ATP9A: variants seen among roughly 807,000 people sequenced by gnomAD.
ATP9A encodes the protein ATPase phospholipid transporting 9A.
A neutral mutation model predicts 144.1 loss-of-function variants in ATP9A; 52 were observed. The ratio of observed to expected loss-of-function variants is 0.36; its 90% CI spans 0.29 to 0.45. The LOEUF (loss-of-function observed/expected upper bound fraction) is 0.45. ATP9A is among the 20% of genes least tolerant of loss of function. The pLI is 1.00. For synonymous variants in ATP9A, 582 were observed against 557.4 expected (o/e 1.04, Z -0.62); for missense variants, 947 against 1,392.7 (o/e 0.68, Z 5.09).
At chr20:51,704,879 A>T (rs1194888100) in intron 4 of ATP9A, among the ~76,000 whole-genome samples, 5 of 152,246 alleles carry the variant, frequency 3.3e-5, no homozygotes, top group Non-Finnish European at 1.5e-5. Context: ...ATTCACTTGT[A>T]CCTGCTGATG....
intron 1 of ATP9A, among the ~76,000 whole-genome samples, chr20:51,765,515 A>G (rs1220870867): frequency 1.3e-5 from 2 of 151,148 alleles, no homozygotes; most frequent in Non-Finnish European, 2.9e-5. Flanking sequence ...TTTGCCGGGC[A>G]TGGTGCATGC....
intron 15 of ATP9A, among the ~76,000 whole-genome samples, chr20:51,635,733 G>A (rs576522443): frequency 7.0e-5 from 10 of 142,088 alleles, no homozygotes; most frequent in Non-Finnish European, 1.3e-4. Flanking sequence ...CAAGATGGAC[G>A]GAAGGAAGGA....
intron 27 of ATP9A, among the ~76,000 whole-genome samples, chr20:51,604,345 T>C (rs1376745876): frequency 1.3e-5 from 2 of 152,166 alleles, no homozygotes; most frequent in Non-Finnish European, 2.9e-5. Context: ...AGCAGCAGAT[T>C]GTATTCTGAG....
intron 15 of ATP9A, among the ~76,000 whole-genome samples, chr20:51,638,115 A>C (rs1301595041): frequency 1.4e-4 from 14 of 98,306 alleles, no homozygotes; most frequent in African/African-American, 3.4e-4. Flanking sequence ...ATATATATAT[A>C]TATATATATC....
At chr20:51,727,880 G>A (rs137908863) in intron 2 of ATP9A, among the ~76,000 whole-genome samples, 10,551 of 150,926 alleles carry the variant, frequency 0.07, 515 homozygotes, top group Non-Finnish European at 0.099. Flanking sequence ...GCAGTGAGCC[G>A]AGATCACGCC....
intron 3 of ATP9A, among the ~76,000 whole-genome samples, chr20:51,723,655 C>T (rs1342081624): frequency 6.8e-6 from 1 of 147,960 alleles, no homozygotes; most frequent in Non-Finnish European, 1.5e-5. Context: ...CTCCCGGATT[C>T]AAGCGATTCT....
At chr20:51,674,389 G>A in intron 10 of ATP9A, 76 bp from the exon 11 acceptor site, 1 of 1,478,024 alleles carries the variant, frequency 6.8e-7, no homozygotes, top group South Asian at 1.2e-5. Flanking sequence ...GGAGGTGGAG[G>A]CTGCAGTGAG....
At chr20:51,652,784 GC>G (rs1252786918) in intron 14 of ATP9A, among the ~76,000 whole-genome samples, 1 of 151,980 alleles carries the variant, frequency 6.6e-6, no homozygotes, top group East Asian at 1.9e-4. Context: ...AAATAACTGT[GC>G]AATACAAAAT....
chr20:51,761,725 A>C (rs1284910723), intron 1 of ATP9A, among the ~76,000 whole-genome samples: 1 of 150,818 alleles, frequency 6.6e-6, no homozygotes. Context: ...GCGCCACTGC[A>C]CTCCAGCCTG....
Position 51,628,885 on chromosome 20 carries a change from C to T in ATP9A, c.1761+95G>A, listed in dbSNP as rs73616810. 4,410 of 1,038,206 alleles carry T rather than the reference C, an allele frequency of 4.2e-3. 153 individuals are homozygous for T. In the East Asian group the frequency reaches 0.084, roughly 20 times the overall value. 64.3% of individuals were successfully genotyped at this position (1,038,206 alleles called of 1,614,324 possible). A position where few individuals can be genotyped will look rare whatever the true frequency, so the allele number is the denominator to read the frequency against. On this transcript the variant is annotated intron_variant, in intron 16 of 27. Transcript: ENST00000338821. Reference sequence around the variant, plus strand: ...TCAGGGTGGTTTGTTACACAGCCACCGATAACAAATACAGAGACCCACCTT... The same window carrying T: ...TCAGGGTGGTTTGTTACACAGCCACTGATAACAAATACAGAGACCCACCTT...
chr20:51,633,483 C>T (rs930998556), intron 15 of ATP9A, among the ~76,000 whole-genome samples: 3 of 152,118 alleles, frequency 2.0e-5, no homozygotes, highest in Non-Finnish European at 2.9e-5. Context: ...CGGTGGCTCA[C>T]GCCTGTAATC....
At chr20:51,701,040 A>G (rs539420606) in intron 4 of ATP9A, among the ~76,000 whole-genome samples, 4 of 152,188 alleles carry the variant, frequency 2.6e-5, no homozygotes, top group Non-Finnish European at 5.9e-5. Context: ...CTCAGCGCCA[A>G]TGAACTTTTC....
At chr20:51,639,747 C>T (rs997222770) in intron 14 of ATP9A, among the ~76,000 whole-genome samples, 2 of 152,148 alleles carry the variant, frequency 1.3e-5, no homozygotes, top group Non-Finnish European at 2.9e-5. Context: ...AGGCTCAAAA[C>T]AGGCTGCACA....
At chr20:51,764,728 A>G (rs758973499) in intron 1 of ATP9A, among the ~76,000 whole-genome samples, 5 of 148,708 alleles carry the variant, frequency 3.4e-5, no homozygotes, top group Non-Finnish European at 7.5e-5. Flanking sequence ...AAATGGGAGA[A>G]TTTTTTTTTT....
At chr20:51,693,547 A>G (rs1196009895) in intron 7 of ATP9A, among the ~76,000 whole-genome samples, 1 of 151,982 alleles carries the variant, frequency 6.6e-6, no homozygotes, top group African/African-American at 2.4e-5. Flanking sequence ...CTTTTATTAG[A>G]TACAGGTGTC....
intron 1 of ATP9A, among the ~76,000 whole-genome samples, chr20:51,730,937 A>G (rs62226746): frequency 0.068 from 10,277 of 152,136 alleles, 788 homozygotes; most frequent in African/African-American, 0.19. Flanking sequence ...GGGAGGCCAA[A>G]GCAAGAAGAT....
chr20:51,660,509 A>G (rs1435498656), intron 13 of ATP9A, among the ~76,000 whole-genome samples: 1 of 152,218 alleles, frequency 6.6e-6, no homozygotes, highest in African/African-American at 2.4e-5. Context: ...AGCCTGACCA[A>G]CATCACAGGC....
intron 5 of ATP9A, among the ~76,000 whole-genome samples, 185 bp downstream of exon 5, chr20:51,697,235 TTGTG>T (rs750334118): frequency 7.2e-6 from 1 of 139,670 alleles, no homozygotes; most frequent in African/African-American, 2.5e-5. Flanking sequence ...GAAAAAATAT[TTGTG>T]TGTGTGTGTG....
intron 14 of ATP9A, among the ~76,000 whole-genome samples, chr20:51,653,524 G>A (rs1196327018): frequency 1.3e-5 from 2 of 152,134 alleles, no homozygotes; most frequent in Non-Finnish European, 2.9e-5. Context: ...CGGTGGTTAC[G>A]CCTGTAACCC....
Sources: allele counts gnomAD v4.1 joint callset (sites outside exome capture counted in the v4.1 genomes callset), GRCh38; gene constraint gnomAD v4.1.1; transcripts MANE v1.5; gene names NCBI Gene and HGNC (gene_info 2026-07-23, HGNC 2026-07-21).